Variants in CNTNAP2 observed in about 807,000 individuals in gnomAD.
CNTNAP2 encodes the protein contactin associated protein 2.
Under a neutral mutation model 155.2 loss-of-function variants are expected in CNTNAP2, and 98 were observed. The ratio of observed to expected loss-of-function variants is 0.63; its 90% CI spans 0.54 to 0.75. CNTNAP2 has a LOEUF of 0.75. CNTNAP2 is among the 30% of genes least tolerant of loss of function. The pLI is 0.00. For synonymous variants in CNTNAP2, 651 were observed against 631.2 expected (o/e 1.03, Z -0.47); for missense variants, 1,727 against 1,688.1 (o/e 1.02, Z -0.40).
chr7:146,366,097 T>C (rs1795151391), intron 1 of CNTNAP2, among the ~76,000 whole-genome samples: 1 of 152,122 alleles, frequency 6.6e-6, no homozygotes, highest in Non-Finnish European at 1.5e-5. Flanking sequence ...TATATGGATA[T>C]AGATAGATAT....
chr7:147,765,264 T>C (rs1797365972), intron 13 of CNTNAP2, among the ~76,000 whole-genome samples: 2 of 152,162 alleles, frequency 1.3e-5, no homozygotes, highest in South Asian at 4.1e-4. Flanking sequence ...ATAAGCTCCA[T>C]GAGAGAGTGG....
intron 1 of CNTNAP2, among the ~76,000 whole-genome samples, chr7:146,261,180 TGA>T (rs1184594784): frequency 6.6e-6 from 1 of 152,178 alleles, no homozygotes; most frequent in Non-Finnish European, 1.5e-5. Flanking sequence ...CATGGAACTG[TGA>T]GTCAATTAAA....
chr7:147,335,008 A>G (rs1245321629), intron 9 of CNTNAP2, among the ~76,000 whole-genome samples: 2 of 152,192 alleles, frequency 1.3e-5, no homozygotes, highest in Non-Finnish European at 2.9e-5. Flanking sequence ...AGATGAGGAA[A>G]TTGAAGCTCA....
chr7:146,454,261 C>A (rs775950666), intron 1 of CNTNAP2, among the ~76,000 whole-genome samples: 1 of 152,076 alleles, frequency 6.6e-6, no homozygotes, highest in Non-Finnish European at 1.5e-5. Flanking sequence ...GATCTGTCGG[C>A]CATTTCTTAG....
intron 20 of CNTNAP2, among the ~76,000 whole-genome samples, chr7:148,246,168 T>C (rs1468341292): frequency 2.0e-5 from 3 of 152,248 alleles, no homozygotes; most frequent in African/African-American, 7.2e-5. Context: ...CCTCTGATGA[T>C]GCCAATGTTT....
chr7:147,874,676 C>A (rs907127368), intron 13 of CNTNAP2, among the ~76,000 whole-genome samples: 8 of 152,196 alleles, frequency 5.3e-5, no homozygotes, highest in African/African-American at 1.9e-4. Flanking sequence ...TAACATTCAG[C>A]TTTGTTTGTT....
chr7:146,596,547 C>A (rs1465088323), intron 1 of CNTNAP2, among the ~76,000 whole-genome samples: 1 of 148,026 alleles, frequency 6.8e-6, no homozygotes, highest in African/African-American at 2.5e-5. Context: ...GAATTTTTGG[C>A]CACATTCACC....
At chr7:146,957,709 G>A (rs1260504845) in intron 3 of CNTNAP2, among the ~76,000 whole-genome samples, 2 of 152,078 alleles carry the variant, frequency 1.3e-5, no homozygotes, top group Admixed American at 6.6e-5. Context: ...TCTCCATGTC[G>A]TGCTTATTTC....
intron 1 of CNTNAP2, among the ~76,000 whole-genome samples, chr7:146,735,535 A>G (rs934248064): frequency 6.6e-6 from 1 of 152,164 alleles, no homozygotes; most frequent in South Asian, 2.1e-4. Flanking sequence ...AGCCTGGGCA[A>G]CAGAGCAAGA....
intron 19 of CNTNAP2, 24 bp from the exon 20 acceptor site, chr7:148,229,622 T>C (rs745754542): frequency 6.2e-7 from 1 of 1,613,950 alleles, no homozygotes; most frequent in Non-Finnish European, 8.5e-7. Flanking sequence ...AACAAATTAC[T>C]GAGCTTTCTT....
chr7:148,100,412 C>T (rs1446313085), intron 15 of CNTNAP2, among the ~76,000 whole-genome samples: 1 of 152,172 alleles, frequency 6.6e-6, no homozygotes, highest in Non-Finnish European at 1.5e-5. Context: ...CACACACATA[C>T]AGATGCATGT....
chr7:146,543,157 A>G (rs1797978417), intron 1 of CNTNAP2, among the ~76,000 whole-genome samples: 1 of 151,970 alleles, frequency 6.6e-6, no homozygotes, highest in Non-Finnish European at 1.5e-5. Context: ...TATAAACATC[A>G]TATTGCACTT....
intron 21 of CNTNAP2, among the ~76,000 whole-genome samples, chr7:148,368,302 T>G (rs1481607737): frequency 6.6e-6 from 1 of 152,162 alleles, no homozygotes; most frequent in Admixed American, 6.5e-5. Flanking sequence ...AGTTAGGTAT[T>G]AAGTATAATC....
intron 10 of CNTNAP2, among the ~76,000 whole-genome samples, chr7:147,470,913 C>T (rs991814751): frequency 6.6e-6 from 1 of 151,904 alleles, no homozygotes; most frequent in Non-Finnish European, 1.5e-5. Flanking sequence ...CGGGGGCACA[C>T]CGATGTTTTA....
chr7:146,642,335 A>T (rs1275886445), intron 1 of CNTNAP2, among the ~76,000 whole-genome samples: 8 of 122,742 alleles, frequency 6.5e-5, no homozygotes, highest in Admixed American at 6.5e-4. Context: ...CAGTCCACAG[A>T]GTGTGATGTT....
intron 4 of CNTNAP2, among the ~76,000 whole-genome samples, chr7:147,059,678 T>C (rs768439103): frequency 6.6e-6 from 1 of 152,148 alleles, no homozygotes; most frequent in Non-Finnish European, 1.5e-5. Context: ...AAGCAGCATT[T>C]ATTTAGGGTG....
intron 3 of CNTNAP2, among the ~76,000 whole-genome samples, chr7:146,859,081 A>T (rs980959004): frequency 2.0e-5 from 3 of 152,208 alleles, no homozygotes; most frequent in Non-Finnish European, 4.4e-5. Flanking sequence ...AGCAATTGAG[A>T]TTGAGAATAA....
chr7:147,243,325 G>C (rs10239596), intron 8 of CNTNAP2, among the ~76,000 whole-genome samples: 404 of 151,658 alleles, frequency 2.7e-3, no homozygotes, highest in African/African-American at 9.2e-3. Flanking sequence ...TTGCAAATTA[G>C]AATTCTTTTG....
At chr7:147,027,495 A>G (rs1584791601) in intron 3 of CNTNAP2, among the ~76,000 whole-genome samples, 2 of 152,346 alleles carry the variant, frequency 1.3e-5, no homozygotes, top group African/African-American at 4.8e-5. Flanking sequence ...TATCCCTTAA[A>G]CAAAACATAG....
Sources: allele counts gnomAD v4.1 joint callset (sites outside exome capture counted in the v4.1 genomes callset), GRCh38; gene constraint gnomAD v4.1.1; transcripts MANE v1.5; gene names NCBI Gene and HGNC (gene_info 2026-07-23, HGNC 2026-07-21).